Variants in ELF1 observed in about 807,000 individuals in gnomAD.
The protein encoded by ELF1 is E74 like ETS transcription factor 1, also known as ETS-related transcription factor Elf-1.
A neutral mutation model predicts 59.9 loss-of-function variants in ELF1; 24 were observed. The ratio of observed to expected loss-of-function variants is 0.40; its 90% CI spans 0.29 to 0.56. ELF1 has a LOEUF of 0.56. Ranked by LOEUF, ELF1 falls within the 20% of genes least tolerant of loss-of-function variation. The pLI is 0.44. For synonymous variants in ELF1, 248 were observed against 266.2 expected, an observed-to-expected ratio of 0.93 and a Z score of 0.67; for missense variants, 627 against 742.2, an observed-to-expected ratio of 0.84 and a Z score of 1.80.
intron 8 of ELF1, among the ~76,000 whole-genome samples, chr13:40,936,205 T>C (rs1020693581): frequency 2.0e-5 from 3 of 152,168 alleles, no homozygotes; most frequent in Non-Finnish European, 4.4e-5. Context: ...GCAGAGCCGA[T>C]GTGCCGCCTT....
intron 2 of ELF1, among the ~76,000 whole-genome samples, chr13:40,967,387 TC>T (rs1173889372): frequency 2.6e-5 from 4 of 152,220 alleles, no homozygotes; most frequent in African/African-American, 7.2e-5. Context: ...AAGCTTTAGT[TC>T]CTACATCTAT....
At chr13:41,010,820 C>T (rs1875022402) in intron 1 of ELF1, among the ~76,000 whole-genome samples, 1 of 152,084 alleles carries the variant, frequency 6.6e-6, no homozygotes, top group Admixed American at 6.6e-5. Flanking sequence ...AATCTTATGA[C>T]TTCTATTTCC....
chr13:41,010,444 C>T (rs925998800), intron 1 of ELF1, among the ~76,000 whole-genome samples: 4 of 148,336 alleles, frequency 2.7e-5, no homozygotes, highest in Admixed American at 6.7e-5. Context: ...GGGCTACACC[C>T]CTATCTCCCC....
At chr13:40,945,127 C>G (rs999435260) in intron 5 of ELF1, among the ~76,000 whole-genome samples, 3 of 152,216 alleles carry the variant, frequency 2.0e-5, no homozygotes, top group Non-Finnish European at 2.9e-5. Context: ...TATTAGAAGC[C>G]AACACTTCAG....
chr13:41,028,424 A>G (rs966039290), intron 1 of ELF1, among the ~76,000 whole-genome samples: 1 of 152,234 alleles, frequency 6.6e-6, no homozygotes, highest in African/African-American at 2.4e-5. Flanking sequence ...AGACCCTTTA[A>G]GAATGAAGCT....
intron 7 of ELF1, 93 bp from the exon 8 acceptor site, chr13:40,941,463 G>T: frequency 1.7e-6 from 2 of 1,207,128 alleles, no homozygotes; most frequent in Non-Finnish European, 2.3e-6. Context: ...AAACTTTAAA[G>T]TTGGAATCAA....
At chr13:40,982,847 T>C (rs2138275049) in intron 1 of ELF1, 1 of 984,864 alleles carries the variant, frequency 1.0e-6, no homozygotes, top group Non-Finnish European at 1.2e-6. Context: ...GTAAAATGTT[T>C]TAAAAATTAC....
At position 40,956,192 on chromosome 13, in the gene ELF1, G is replaced by A. The variant is rs1349490863; in HGVS notation, c.253+2644C>T. ...GGTTGCCGTGTCTGTGTAGAAAGAG[G>A]TAGACGTGGGAGACTTTTCATTTTG... On this transcript the variant is annotated intron_variant, in intron 3 of 8. Transcript: ENST00000239882. Among the ~76,000 whole-genome samples the A allele has an allele frequency of 2.3e-4, 35 of 151,510 alleles. 1 individual carries two copies. The highest frequency in any genetic ancestry group is 1.5e-5 in the Non-Finnish European group (1 of 67,778).
At chr13:40,980,557 T>C (rs9532693) in intron 2 of ELF1, among the ~76,000 whole-genome samples, 82,877 of 151,982 alleles carry the variant, frequency 0.55, 25,787 homozygotes, top group Non-Finnish European at 0.69. Context: ...TATGGTACCA[T>C]AATGTAAAAT....
intron 2 of ELF1, among the ~76,000 whole-genome samples, chr13:40,976,843 C>T (rs1872938773): frequency 6.6e-6 from 1 of 152,208 alleles, no homozygotes; most frequent in Non-Finnish European, 1.5e-5. Flanking sequence ...CTGCACCCGG[C>T]ACTGTTACTC....
chr13:40,956,383 T>TA (rs1871431544), intron 3 of ELF1, among the ~76,000 whole-genome samples: 1 of 152,050 alleles, frequency 6.6e-6, no homozygotes, highest in African/African-American at 2.4e-5. Context: ...GCATGCTCGT[T>TA]AAGAGTCATC....
intron 1 of ELF1, among the ~76,000 whole-genome samples, chr13:40,999,390 G>A (rs976769278): frequency 4.6e-5 from 7 of 152,160 alleles, no homozygotes; most frequent in African/African-American, 7.2e-5. Flanking sequence ...GTGTCTGTGC[G>A]TGTATGCGTA....
At chr13:40,986,771 G>A (rs1374823243) in intron 1 of ELF1, among the ~76,000 whole-genome samples, 1 of 151,736 alleles carries the variant, frequency 6.6e-6, no homozygotes, top group African/African-American at 2.4e-5. Flanking sequence ...CACTTCAAAT[G>A]GCTACTTGTT....
intron 3 of ELF1, among the ~76,000 whole-genome samples, chr13:40,951,949 T>C (rs1237132363): frequency 6.6e-6 from 1 of 152,276 alleles, no homozygotes; most frequent in Non-Finnish European, 1.5e-5. Flanking sequence ...AAATGTTCAA[T>C]TGTGTTAAAA....
Position 40,982,423 on chromosome 13 carries a change from C to T in ELF1, c.-228-141G>A, listed in dbSNP as rs186368812. The T allele has an allele frequency of 2.4e-3, 981 of 400,664 alleles. 10 individuals carry two copies. The highest frequency in any genetic ancestry group is 2.5e-3 in the South Asian group (26 of 10,404). 24.8% of individuals were successfully genotyped at this position (400,664 alleles called of 1,614,324 possible). Reference sequence around the variant, plus strand: ...AAAATCGACACGACTAATGCACATACGCTCTTTTTTAAAAGTTACATATTT... The same window carrying T: ...AAAATCGACACGACTAATGCACATATGCTCTTTTTTAAAAGTTACATATTT... On this transcript the variant is annotated intron_variant, in intron 1 of 8. Transcript: ENST00000239882.
chr13:40,959,056 T>G (rs778908364), intron 2 of ELF1, 40 bp from the exon 3 acceptor site: 4 of 1,542,230 alleles, frequency 2.6e-6, no homozygotes, highest in Non-Finnish European at 3.5e-6. Context: ...AACAAAGGAT[T>G]AACACAGTTT....
At chr13:40,967,436 A>T (rs1287435766) in intron 2 of ELF1, among the ~76,000 whole-genome samples, 5 of 152,224 alleles carry the variant, frequency 3.3e-5, no homozygotes, top group African/African-American at 1.2e-4. Context: ...GAATTGTTGT[A>T]AGAATAATGT....
chr13:41,001,112 G>A (rs530916210), intron 1 of ELF1, among the ~76,000 whole-genome samples: 32 of 151,930 alleles, frequency 2.1e-4, no homozygotes, highest in African/African-American at 7.5e-4. Flanking sequence ...AACTAGCTGG[G>A]ATTACAGGTG....
At chr13:40,991,151 A>G (rs1873833127) in intron 1 of ELF1, among the ~76,000 whole-genome samples, 1 of 152,236 alleles carries the variant, frequency 6.6e-6, no homozygotes, top group African/African-American at 2.4e-5. Flanking sequence ...AACTGTCATC[A>G]AAAACAAGGA....
Sources: allele counts gnomAD v4.1 joint callset (sites outside exome capture counted in the v4.1 genomes callset), GRCh38; gene constraint gnomAD v4.1.1; transcripts MANE v1.5; gene names NCBI Gene and HGNC (gene_info 2026-07-23, HGNC 2026-07-21).